CABLES1: variants seen among roughly 807,000 people sequenced by gnomAD.
CABLES1 encodes the protein CDK5 and ABL1 enzyme substrate 1.
CABLES1 carries 36 observed loss-of-function variants against 57.8 expected under a neutral mutation model. That is an observed-to-expected ratio of 0.62 (90% CI 0.48 to 0.82). CABLES1 has a LOEUF of 0.82. Ranked by LOEUF, CABLES1 falls within the 40% of genes least tolerant of loss-of-function variation. The probability of loss-of-function intolerance (pLI) is 0.00; values close to 1 mark genes in which losing one functional copy is unlikely to be tolerated. For synonymous variants in CABLES1, 374 were observed against 363.0 expected (o/e 1.03, Z -0.35); for missense variants, 767 against 836.6 (o/e 0.92, Z 1.03).
intron 7 of CABLES1, among the ~76,000 whole-genome samples, chr18:23,238,851 C>CCA (rs2047667999): frequency 6.6e-6 from 1 of 152,234 alleles, no homozygotes; most frequent in African/African-American, 2.4e-5. Flanking sequence ...TCTCTGAATT[C>CCA]CACATTCCTC....
chr18:23,213,968 A>AT lies in CABLES1; in HGVS notation c.1011-3dup. ...GTGTTTGTTGTTTGTTCTTCTTTTT[A>AT]TTTTTTAGAATAGTCCTTATCAGTG... On this transcript the variant is annotated splice_polypyrimidine_tract_variant and intron_variant, in intron 3 of 9. Coordinates refer to ENST00000256925, the MANE Select transcript of CABLES1 (RefSeq NM_001100619.3). The AT allele has an allele frequency of 6.4e-7, 1 of 1,569,202 alleles. No homozygotes were observed. Among genetic ancestry groups the AT allele is most frequent in the Non-Finnish European group, 8.7e-7 (1 of 1,152,904 alleles).
intron 3 of CABLES1, among the ~76,000 whole-genome samples, chr18:23,209,802 G>GAGTT (rs2047391334): frequency 6.6e-6 from 1 of 151,566 alleles, no homozygotes; most frequent in South Asian, 2.1e-4. Context: ...TGGCTGGTGA[G>GAGTT]AGACATTGCC....
At chr18:23,179,185 C>T (rs1328778357) in intron 1 of CABLES1, among the ~76,000 whole-genome samples, 2 of 151,934 alleles carry the variant, frequency 1.3e-5, no homozygotes, top group African/African-American at 2.4e-5. Context: ...ACTCAGGGGG[C>T]TGAGGCAGGA....
At chr18:23,251,794 C>T (rs2048044442) in intron 7 of CABLES1, among the ~76,000 whole-genome samples, 1 of 152,076 alleles carries the variant, frequency 6.6e-6, no homozygotes, top group African/African-American at 2.4e-5. Context: ...CCCTTGAAGA[C>T]TCCATAGTAG....
At chr18:23,207,429 A>T (rs2047372200) in intron 3 of CABLES1, among the ~76,000 whole-genome samples, 1 of 152,294 alleles carries the variant, frequency 6.6e-6, no homozygotes, top group East Asian at 1.9e-4. Context: ...TTCTCACTGT[A>T]GACTGGTTGC....
chr18:23,151,742 G>T (rs185028229), intron 1 of CABLES1, among the ~76,000 whole-genome samples: 1 of 152,290 alleles, frequency 6.6e-6, no homozygotes, highest in East Asian at 1.9e-4. Flanking sequence ...TCTAAGAGTG[G>T]ACAGGTATCA....
chr18:23,187,293 G>A (rs971066350), intron 1 of CABLES1, among the ~76,000 whole-genome samples: 3 of 152,244 alleles, frequency 2.0e-5, no homozygotes, highest in African/African-American at 4.8e-5. Context: ...CACAGAGGGC[G>A]ATGTGTGTGC....
chr18:23,224,958 C>T (rs775516848), intron 4 of CABLES1, among the ~76,000 whole-genome samples: 2 of 152,116 alleles, frequency 1.3e-5, no homozygotes, highest in African/African-American at 2.4e-5. Flanking sequence ...GCCTTGACCT[C>T]CCAGGCTCAA....
chr18:23,185,680 A>T (rs185784575), intron 1 of CABLES1, among the ~76,000 whole-genome samples: 1 of 152,244 alleles, frequency 6.6e-6, no homozygotes, highest in East Asian at 1.9e-4. Flanking sequence ...CTGGGTGCAG[A>T]TTGAACAAAA....
At chr18:23,152,082 G>T (rs1307572276) in intron 1 of CABLES1, among the ~76,000 whole-genome samples, 1 of 152,146 alleles carries the variant, frequency 6.6e-6, no homozygotes, top group Admixed American at 6.5e-5. Flanking sequence ...AGGAGTATTA[G>T]CTTGATCCAG....
At chr18:23,137,439 C>A (rs891713170) in intron 1 of CABLES1, among the ~76,000 whole-genome samples, 2 of 152,090 alleles carry the variant, frequency 1.3e-5, no homozygotes, top group Non-Finnish European at 2.9e-5. Context: ...AAGAAGTAGG[C>A]GAGTAGGCGG....
chr18:23,224,759 C>T (rs1256002326), intron 4 of CABLES1, among the ~76,000 whole-genome samples: 2 of 151,818 alleles, frequency 1.3e-5, no homozygotes, highest in Non-Finnish European at 2.9e-5. Flanking sequence ...TTAGTAGAGA[C>T]GGGGTTTCAC....
chr18:23,141,855 A>G (rs556514716), intron 1 of CABLES1, among the ~76,000 whole-genome samples: 11 of 151,910 alleles, frequency 7.2e-5, no homozygotes, highest in African/African-American at 2.7e-4. Flanking sequence ...CGATGCCTGG[A>G]CTTTTTTTCT....
intron 3 of CABLES1, among the ~76,000 whole-genome samples, chr18:23,202,919 G>A (rs1160887368): frequency 4.0e-5 from 6 of 151,566 alleles, no homozygotes; most frequent in South Asian, 4.2e-4. Context: ...CCCGGGAGGC[G>A]GAGCTTGCAG....
At chr18:23,196,160 A>G (rs1359667365) in intron 3 of CABLES1, among the ~76,000 whole-genome samples, 1 of 152,226 alleles carries the variant, frequency 6.6e-6, no homozygotes, top group Non-Finnish European at 1.5e-5. Flanking sequence ...TCTTGACCTA[A>G]GAGAACGTAA....
intron 4 of CABLES1, among the ~76,000 whole-genome samples, chr18:23,224,541 A>G (rs928224351): frequency 2.9e-5 from 4 of 136,100 alleles, no homozygotes; most frequent in African/African-American, 8.2e-5. Flanking sequence ...TTTCACTTCC[A>G]TTTTTGTCCA....
intron 1 of CABLES1, among the ~76,000 whole-genome samples, chr18:23,164,937 AACT>A (rs2047031318): frequency 6.6e-6 from 1 of 152,002 alleles, no homozygotes; most frequent in Admixed American, 6.6e-5. Flanking sequence ...ATGCCCAGCT[AACT>A]TTTTGTAGTT....
At chr18:23,166,339 A>G (rs942670352) in intron 1 of CABLES1, among the ~76,000 whole-genome samples, 15 of 152,036 alleles carry the variant, frequency 9.9e-5, no homozygotes, top group African/African-American at 2.9e-4. Flanking sequence ...AGTAGCTGGG[A>G]CTACAGGCAC....
At chr18:23,209,364 C>T (rs1400720582) in intron 3 of CABLES1, among the ~76,000 whole-genome samples, 1 of 152,200 alleles carries the variant, frequency 6.6e-6, no homozygotes, top group Admixed American at 6.5e-5. Context: ...CCTGTACTTA[C>T]AAATAAGGCC....
Sources: gnomAD v4.1 joint callset for allele counts (sites outside exome capture counted in the v4.1 genomes callset) on GRCh38, gnomAD v4.1.1 for gene constraint, MANE v1.5 for transcripts, NCBI Gene and HGNC (gene_info 2026-07-23, HGNC 2026-07-21) for gene names.